Variants in ADCY2 observed in about 807,000 individuals in gnomAD.
ADCY2 encodes the protein adenylate cyclase 2, also known as adenylate cyclase type 2.
A neutral mutation model predicts 125.2 loss-of-function variants in ADCY2; 31 were observed. That is an observed-to-expected ratio of 0.25 (90% CI 0.19 to 0.33). The LOEUF (loss-of-function observed/expected upper bound fraction) is 0.33, where lower values mean the gene tolerates loss of function less well. Ranked by LOEUF, ADCY2 falls within the 10% of genes least tolerant of loss-of-function variation. The pLI is 1.00. For missense variants in ADCY2, 904 were observed against 1,418.2 expected (o/e 0.64, Z 5.82); for synonymous variants, 512 against 548.4 (o/e 0.93, Z 0.93).
chr5:7,560,284 C>T (rs140437739), intron 3 of ADCY2, among the ~76,000 whole-genome samples: 7 of 152,246 alleles, frequency 4.6e-5, no homozygotes, highest in East Asian at 1.9e-4. Flanking sequence ...GAGAGAGGGA[C>T]GCTAGGTGTT....
chr5:7,618,299 G>T (rs2126650694), intron 3 of ADCY2, among the ~76,000 whole-genome samples: 1 of 152,226 alleles, frequency 6.6e-6, no homozygotes, highest in Middle Eastern at 3.4e-3. Flanking sequence ...AATCAGCGGG[G>T]CACTCTGCAC....
At chr5:7,772,373 G>A (rs923135708) in intron 17 of ADCY2, among the ~76,000 whole-genome samples, 4 of 152,124 alleles carry the variant, frequency 2.6e-5, no homozygotes, top group Admixed American at 6.5e-5. Flanking sequence ...CTCCCGGGGG[G>A]ATTCATGACT....
chr5:7,500,727 T>C (rs1410125299), intron 2 of ADCY2, among the ~76,000 whole-genome samples: 1 of 152,198 alleles, frequency 6.6e-6, no homozygotes, highest in East Asian at 1.9e-4. Flanking sequence ...ACATGAGGAC[T>C]AAATGGAATG....
chr5:7,568,224 G>C (rs778217696), intron 3 of ADCY2, among the ~76,000 whole-genome samples: 1 of 152,072 alleles, frequency 6.6e-6, no homozygotes, highest in African/African-American at 2.4e-5. Context: ...TCATGTCCAC[G>C]TGGTCCTGGC....
chr5:7,507,871 A>G (rs1579516621), intron 2 of ADCY2, among the ~76,000 whole-genome samples: 1 of 152,198 alleles, frequency 6.6e-6, no homozygotes, highest in African/African-American at 2.4e-5. Context: ...ATGTTGCCTT[A>G]TGACTTTAGG....
At chr5:7,657,645 C>T (rs1486051595) in intron 4 of ADCY2, among the ~76,000 whole-genome samples, 1 of 152,158 alleles carries the variant, frequency 6.6e-6, no homozygotes. Flanking sequence ...GGGGTATGCT[C>T]TTTCATTCTT....
At chr5:7,666,552 G>A (rs181455250) in intron 4 of ADCY2, among the ~76,000 whole-genome samples, 89 of 152,360 alleles carry the variant, frequency 5.8e-4, no homozygotes, top group South Asian at 1.7e-3. Flanking sequence ...ACAGGCGTGA[G>A]CCACTGTGCT....
chr5:7,617,220 A>G (rs1157897788), intron 3 of ADCY2, among the ~76,000 whole-genome samples: 1 of 152,152 alleles, frequency 6.6e-6, no homozygotes, highest in Non-Finnish European at 1.5e-5. Context: ...CAACCCTGCC[A>G]TCACCTTGAT....
chr5:7,410,181 A>G (rs939987019), intron 1 of ADCY2, among the ~76,000 whole-genome samples: 7 of 152,214 alleles, frequency 4.6e-5, no homozygotes, highest in African/African-American at 1.7e-4. Context: ...CTGAAAAATC[A>G]CAGCAGGAAG....
At chr5:7,641,208 T>G (rs1335647824) in intron 4 of ADCY2, among the ~76,000 whole-genome samples, 1 of 152,164 alleles carries the variant, frequency 6.6e-6, no homozygotes, top group Non-Finnish European at 1.5e-5. Context: ...AGGTGGGGCA[T>G]TCAGTACCTG....
intron 3 of ADCY2, among the ~76,000 whole-genome samples, chr5:7,545,726 C>T (rs1735127785): frequency 6.6e-6 from 1 of 152,180 alleles, no homozygotes; most frequent in Non-Finnish European, 1.5e-5. Flanking sequence ...ACATGGCAGT[C>T]CTTCAGCATG....
At chr5:7,475,188 A>AACCGGAAGTGCAAAG (rs1742476094) in intron 2 of ADCY2, among the ~76,000 whole-genome samples, 1 of 152,166 alleles carries the variant, frequency 6.6e-6, no homozygotes, top group African/African-American at 2.4e-5. Context: ...ATGAAGAGAA[A>AACCGGAAGTGCAAAG]ACCGGAAGTG....
intron 4 of ADCY2, among the ~76,000 whole-genome samples, chr5:7,685,439 A>G (rs1368610325): frequency 6.6e-6 from 1 of 152,242 alleles, no homozygotes; most frequent in Non-Finnish European, 1.5e-5. Context: ...GAAAGGGTGG[A>G]ATCCCATCTT....
chr5:7,768,368 C>T (rs577892606), intron 17 of ADCY2, among the ~76,000 whole-genome samples: 15 of 152,132 alleles, frequency 9.9e-5, no homozygotes, highest in Admixed American at 2.0e-4. Flanking sequence ...TTTAAATTAA[C>T]GGTGTGGCCT....
In ADCY2 at chr5:7,581,978, G is replaced by A. The variant is rs976078881; in HGVS notation, c.571-44189G>A. Among the ~76,000 whole-genome samples, 12 of 152,106 alleles carry A rather than the reference G, an allele frequency of 7.9e-5. No homozygotes were observed. In the South Asian group the frequency reaches 2.3e-3, roughly 29 times the overall value. ...AGTGGACTAGAAACACTGACTAAAA[G>A]ATGATATTTTCAAAATAGGTAAAAA... On this transcript the variant is annotated intron_variant, in intron 3 of 24. Transcript: ENST00000338316.
chr5:7,515,569 A>G (rs17826546), intron 2 of ADCY2, among the ~76,000 whole-genome samples: 26,338 of 152,234 alleles, frequency 0.17, 2,704 homozygotes, highest in Non-Finnish European at 0.23. Flanking sequence ...CTACTAAATA[A>G]AGAAATGGTA....
At position 7,628,822 on chromosome 5, in the gene ADCY2, TA is replaced by T. The variant is rs1157731029; in HGVS notation, c.720+2521del. 7.0e-3 allele frequency among the ~76,000 whole-genome samples: 978 copies of T among 139,878 alleles called. 2 individuals carry two copies. The highest frequency in any genetic ancestry group is 0.02 in the East Asian group (98 of 4,918). The allele number at this position is 139,878 out of a possible 152,430, so 91.8% of individuals were successfully genotyped here. A position where few individuals can be genotyped will look rare whatever the true frequency, so the allele number is the denominator to read the frequency against. On this transcript the variant is annotated intron_variant, in intron 4 of 24. Transcript: ENST00000338316. Reference sequence around the variant, plus strand: ...ATGGGAAGAAGAGATTATCTTGGTTTAAAAAAAAAAAAAAACCATCAGTAAG... The same window carrying T: ...ATGGGAAGAAGAGATTATCTTGGTTTAAAAAAAAAAAAAACCATCAGTAAG...
intron 18 of ADCY2, among the ~76,000 whole-genome samples, chr5:7,780,049 A>C (rs1743867889): frequency 6.6e-6 from 1 of 152,320 alleles, no homozygotes; most frequent in Non-Finnish European, 1.5e-5. Flanking sequence ...CAAAGAGGAA[A>C]TCCACAGGAT....
At chr5:7,680,410 GT>G (rs754268974) in intron 4 of ADCY2, among the ~76,000 whole-genome samples, 11 of 152,220 alleles carry the variant, frequency 7.2e-5, no homozygotes, top group Non-Finnish European at 1.5e-4. Flanking sequence ...TGGTAAATGT[GT>G]GCAGTGAACT....
Sources: allele counts gnomAD v4.1 joint callset (sites outside exome capture counted in the v4.1 genomes callset), GRCh38; gene constraint gnomAD v4.1.1; transcripts MANE v1.5; gene names NCBI Gene and HGNC (gene_info 2026-07-23, HGNC 2026-07-21).